Variants in GRK5 observed in about 807,000 individuals in gnomAD.
GRK5 encodes g protein-coupled receptor kinase GRK5.
Under a neutral mutation model 78.4 loss-of-function variants are expected in GRK5, and 40 were observed. That is an observed-to-expected ratio of 0.51 (90% CI 0.40 to 0.66). The LOEUF (loss-of-function observed/expected upper bound fraction) is 0.66, where lower values mean the gene tolerates loss of function less well. Among genes scored for constraint, GRK5 ranks in the 30% least tolerant of loss-of-function variants. GRK5 has a pLI of 0.00. For synonymous variants in GRK5, 289 were observed against 296.8 expected, an observed-to-expected ratio of 0.97 and a Z score of 0.27; for missense variants, 598 against 759.9, an observed-to-expected ratio of 0.79 and a Z score of 2.50.
At chr10:119,436,614 T>A in intron 8 of GRK5, 37 bp from the exon 9 acceptor site, 1 of 1,606,306 alleles carries the variant, frequency 6.2e-7, no homozygotes. Context: ...GTGGCCATTG[T>A]CACAACCTCC....
chr10:119,450,212 TG>T (rs1030926028), intron 13 of GRK5, among the ~76,000 whole-genome samples: 2 of 152,162 alleles, frequency 1.3e-5, no homozygotes, highest in African/African-American at 4.8e-5. Flanking sequence ...GCATCCAGAC[TG>T]GGGGTGTGGC....
At chr10:119,449,079 G>A (rs923970026) in intron 13 of GRK5, among the ~76,000 whole-genome samples, 9 of 152,228 alleles carry the variant, frequency 5.9e-5, no homozygotes, top group Admixed American at 1.3e-4. Flanking sequence ...TATGGAGGCC[G>A]TGGGAGCAGC....
At chr10:119,235,800 A>C (rs746218226) in intron 1 of GRK5, among the ~76,000 whole-genome samples, 1 of 152,088 alleles carries the variant, frequency 6.6e-6, no homozygotes, top group Non-Finnish European at 1.5e-5. Context: ...CTTTTTGTGT[A>C]TGTCTGTAGA....
At chr10:119,441,327 C>CAGGGA (rs1274125622) in intron 10 of GRK5, among the ~76,000 whole-genome samples, 1 of 152,114 alleles carries the variant, frequency 6.6e-6, no homozygotes, top group East Asian at 1.9e-4. Context: ...TGTCCATAGG[C>CAGGGA]AGGGAAGGGA....
chr10:119,262,160 G>C (rs1252297994), intron 1 of GRK5, among the ~76,000 whole-genome samples: 1 of 152,022 alleles, frequency 6.6e-6, no homozygotes, highest in East Asian at 1.9e-4. Flanking sequence ...CACACATGGA[G>C]ACACTTGGCA....
At chr10:119,365,292 T>C (rs1444661354) in intron 2 of GRK5, among the ~76,000 whole-genome samples, 1 of 152,224 alleles carries the variant, frequency 6.6e-6, no homozygotes, top group African/African-American at 2.4e-5. Flanking sequence ...ATTGTGCTCT[T>C]TTACTTAGAT....
intron 2 of GRK5, among the ~76,000 whole-genome samples, chr10:119,345,716 C>G (rs1038474013): frequency 2.0e-4 from 30 of 152,176 alleles, no homozygotes; most frequent in Non-Finnish European, 3.4e-4. Flanking sequence ...CCCTCCACCC[C>G]ACCCTGCCAG....
chr10:119,393,718 G>A (rs899950727), intron 3 of GRK5, among the ~76,000 whole-genome samples: 4 of 152,204 alleles, frequency 2.6e-5, no homozygotes, highest in African/African-American at 4.8e-5. Flanking sequence ...CTGCTGCCCC[G>A]TCGCTTGCTA....
At chr10:119,248,150 T>G (rs1373666658) in intron 1 of GRK5, among the ~76,000 whole-genome samples, 1 of 152,170 alleles carries the variant, frequency 6.6e-6, no homozygotes, top group Non-Finnish European at 1.5e-5. Context: ...GAGCTGGGAC[T>G]ATAGGCATGT....
chr10:119,312,181 G>T (rs1263930039), intron 1 of GRK5, among the ~76,000 whole-genome samples: 2 of 152,222 alleles, frequency 1.3e-5, no homozygotes, highest in Non-Finnish European at 2.9e-5. Flanking sequence ...CTCCCAAAGT[G>T]CTGGGATTAC....
chr10:119,252,395 C>T (rs1364715639), intron 1 of GRK5, among the ~76,000 whole-genome samples: 1 of 152,150 alleles, frequency 6.6e-6, no homozygotes, highest in Non-Finnish European at 1.5e-5. Context: ...GGCCAGCGTG[C>T]AGCCCTTTCC....
At chr10:119,254,771 C>A (rs530701736) in intron 1 of GRK5, among the ~76,000 whole-genome samples, 1 of 152,170 alleles carries the variant, frequency 6.6e-6, no homozygotes, top group Admixed American at 6.5e-5. Context: ...AATGGAAAAA[C>A]AGGCCGGGCA....
chr10:119,296,082 A>T (rs1241538335), intron 1 of GRK5, among the ~76,000 whole-genome samples: 1 of 152,250 alleles, frequency 6.6e-6, no homozygotes, highest in African/African-American at 2.4e-5. Flanking sequence ...AGGTGGCCCC[A>T]GGACGAGCTT....
intron 2 of GRK5, among the ~76,000 whole-genome samples, chr10:119,358,347 C>T (rs956255802): frequency 1.3e-5 from 2 of 152,188 alleles, no homozygotes; most frequent in Non-Finnish European, 2.9e-5. Context: ...AAATGCTCTG[C>T]AAATAGTAGC....
chr10:119,219,652 A>C (rs759242007), intron 1 of GRK5, among the ~76,000 whole-genome samples: 23 of 152,206 alleles, frequency 1.5e-4, no homozygotes. Context: ...TTATAGGGCA[A>C]ATTGGAAAAT....
chr10:119,291,597 CTCCTCT>C (rs1849959565), intron 1 of GRK5, among the ~76,000 whole-genome samples: 3 of 144,026 alleles, frequency 2.1e-5, no homozygotes, highest in Non-Finnish European at 4.6e-5. Flanking sequence ...CCTCCTCCTC[CTCCTCT>C]TCCTCCTCCT....
intron 1 of GRK5, among the ~76,000 whole-genome samples, chr10:119,320,139 G>A (rs1009064370): frequency 1.3e-5 from 2 of 152,206 alleles, no homozygotes; most frequent in African/African-American, 4.8e-5. Flanking sequence ...CGGAGTGGGG[G>A]AACAATGATG....
Position 119,431,267 on chromosome 10 carries a change from C to T in GRK5, c.598-120C>T. On this transcript the variant is annotated intron_variant, in intron 7 of 15. Coordinates refer to ENST00000392870, the MANE Select transcript of GRK5 (RefSeq NM_005308.3). This position sits in a 1 kb window ranked among gnomAD's most constrained non-coding sequence, Gnocchi z 4.8. Reference sequence around the variant, plus strand: ...AGCCTGGAGCACTCATGAAGCCAGGCAGGGCCGGCTCTGACCCCATCCATT... The same window carrying T: ...AGCCTGGAGCACTCATGAAGCCAGGTAGGGCCGGCTCTGACCCCATCCATT... 1 of 1,186,434 alleles carries T rather than the reference C, an allele frequency of 8.4e-7. No individual in the cohort carries two copies. The highest frequency in any genetic ancestry group is 1.2e-6 in the Non-Finnish European group (1 of 862,546). The allele number at this position is 1,186,434 out of a possible 1,614,324, so 73.5% of individuals were successfully genotyped here.
In GRK5 at chr10:119,455,362, A is replaced by C. The variant is rs1284478359; in HGVS notation, c.*295A>C. 1 of 580,424 alleles carries C rather than the reference A, an allele frequency of 1.7e-6. No homozygotes were observed. Among genetic ancestry groups the C allele is most frequent in the Non-Finnish European group, 3.1e-6 (1 of 319,454 alleles). The allele number at this position is 580,424 out of a possible 1,614,324, so 36.0% of individuals were successfully genotyped here. On this transcript the variant is annotated 3_prime_UTR_variant, in exon 16 of 16. Coordinates refer to ENST00000392870, the MANE Select transcript of GRK5 (RefSeq NM_005308.3). Reference sequence around the variant, plus strand: ...CACGTATTTTAATAGCGTCATAACTAGAACTGAATTTTGTCTTTATGATTT... The same window carrying C: ...CACGTATTTTAATAGCGTCATAACTCGAACTGAATTTTGTCTTTATGATTT...
Sources: allele counts gnomAD v4.1 joint callset (sites outside exome capture counted in the v4.1 genomes callset), GRCh38; gene constraint gnomAD v4.1.1; non-coding constraint Gnocchi (gnomAD v3.1); transcripts MANE v1.5; gene names NCBI Gene and HGNC (gene_info 2026-07-23, HGNC 2026-07-21).